Variants in SEM1 observed in about 807,000 individuals in gnomAD.
SEM1 encodes the protein SEM1 26S proteasome subunit, also known as 26S proteasome complex subunit SEM1.
Under a neutral mutation model 12.7 loss-of-function variants are expected in SEM1, and 3 were observed. The ratio of observed to expected loss-of-function variants is 0.24; its 90% CI spans 0.11 to 0.61. The LOEUF (loss-of-function observed/expected upper bound fraction) is 0.61. SEM1 is among the 20% of genes least tolerant of loss of function. The pLI is 0.88. For missense variants in SEM1, 59 were observed against 81.3 expected, an observed-to-expected ratio of 0.73 and a Z score of 1.06; for synonymous variants, 30 against 27.8, an observed-to-expected ratio of 1.08 and a Z score of -0.25.
chr7:96,689,062 T>G, intron 2 of SEM1, 96 bp from the exon 3 acceptor site: 1 of 722,070 alleles, frequency 1.4e-6, no homozygotes, highest in Non-Finnish European at 2.3e-6. Context: ...GAGCTATGCC[T>G]GAGACATCAA....
At chr7:96,586,562 G>C (rs1167804662) in intron 2 of SEM1, among the ~76,000 whole-genome samples, 1 of 152,172 alleles carries the variant, frequency 6.6e-6, no homozygotes, top group Non-Finnish European at 1.5e-5. Context: ...CATAGTTCCA[G>C]ACATCATGTT....
At chr7:96,553,905 C>A (rs1290784597) in intron 2 of SEM1, among the ~76,000 whole-genome samples, 1 of 152,050 alleles carries the variant, frequency 6.6e-6, no homozygotes, top group Non-Finnish European at 1.5e-5. Flanking sequence ...TGAAGAGGTC[C>A]TTCACATCCC....
downstream of SEM1, among the ~76,000 whole-genome samples, chr7:96,684,097 G>T (rs561789808): frequency 6.6e-6 from 1 of 152,162 alleles, no homozygotes; most frequent in East Asian, 1.9e-4. Context: ...CAAGTTCAAT[G>T]ACATCATCAA....
intron 2 of SEM1, among the ~76,000 whole-genome samples, chr7:96,690,757 C>T (rs1287811066): frequency 2.0e-5 from 3 of 152,106 alleles, no homozygotes; most frequent in Non-Finnish European, 4.4e-5. Context: ...TTTGGTAAAT[C>T]AGGAACTATA....
At chr7:96,664,918 G>C (rs991454458) in intron 2 of SEM1, among the ~76,000 whole-genome samples, 2 of 152,232 alleles carry the variant, frequency 1.3e-5, no homozygotes, top group African/African-American at 4.8e-5. Context: ...CACCCACAAA[G>C]TTAAGTAGTG....
downstream of SEM1, among the ~76,000 whole-genome samples, chr7:96,618,944 G>A (rs1056413714): frequency 1.3e-5 from 2 of 151,948 alleles, no homozygotes; most frequent in East Asian, 1.9e-4. Flanking sequence ...GAGAAAGACC[G>A]TGTCTTAAAA....
At chr7:96,614,426 C>G (rs1807639331) in intron 2 of SEM1, among the ~76,000 whole-genome samples, 1 of 152,206 alleles carries the variant, frequency 6.6e-6, no homozygotes, top group Non-Finnish European at 1.5e-5. Flanking sequence ...GAACCAGGTC[C>G]TAAATTAGCT....
At chr7:96,650,928 T>C (rs897686873) in intron 2 of SEM1, among the ~76,000 whole-genome samples, 1 of 152,020 alleles carries the variant, frequency 6.6e-6, no homozygotes, top group Non-Finnish European at 1.5e-5. Flanking sequence ...TACATTTCCA[T>C]CTGACTGTTG....
At chr7:96,530,905 G>A (rs76337529) in intron 2 of SEM1, among the ~76,000 whole-genome samples, 1,879 of 152,094 alleles carry the variant, frequency 0.012, 16 homozygotes, top group Non-Finnish European at 0.017. Flanking sequence ...AAGTTGAGCT[G>A]GGTCTTAAAG....
chr7:96,572,291 C>T (rs959997076), intron 2 of SEM1, among the ~76,000 whole-genome samples: 5 of 152,140 alleles, frequency 3.3e-5, no homozygotes, highest in Non-Finnish European at 5.9e-5. Flanking sequence ...TTCAGTTCTG[C>T]TCTGATCTTA....
At chr7:96,649,628 T>C (rs886865784) in intron 2 of SEM1, 1 of 152,164 alleles carries the variant, frequency 6.6e-6, no homozygotes, top group Non-Finnish European at 1.5e-5. Flanking sequence ...GGAACACATA[T>C]GTGTATGTAG....
At position 96,708,999 on chromosome 7, in the gene SEM1, G is replaced by A. The variant is rs532644854; in HGVS notation, c.76+689C>T. ...TTTAAAAAAATATTTTATTTTTGTA[G>A]GGACAGGGTCTCGCTATGTTGCCCA... On this transcript the variant is annotated intron_variant, in intron 1 of 2. Coordinates refer to ENST00000248566, the MANE Select transcript of SEM1 (RefSeq NM_006304.2). Among the ~76,000 whole-genome samples the A allele has an allele frequency of 3.6e-4, 55 of 152,168 alleles. No individual in the cohort carries two copies. The South Asian group carries it at 0.01, about 28-fold the overall frequency.
intron 2 of SEM1, among the ~76,000 whole-genome samples, chr7:96,575,380 T>C (rs908598009): frequency 1.3e-5 from 2 of 152,062 alleles, no homozygotes; most frequent in African/African-American, 4.8e-5. Context: ...CAGCCAGAGC[T>C]CTCCTCTATG....
intron 1 of SEM1, among the ~76,000 whole-genome samples, chr7:96,492,340 G>T: frequency 6.6e-6 from 1 of 152,062 alleles, no homozygotes; most frequent in South Asian, 2.1e-4. Context: ...TTGTCCTTTT[G>T]TATCTGGCTT....
intron 2 of SEM1, among the ~76,000 whole-genome samples, chr7:96,520,737 G>A (rs1395836991): frequency 3.3e-5 from 5 of 152,094 alleles, no homozygotes; most frequent in African/African-American, 1.2e-4. Flanking sequence ...AAAAGGGTAT[G>A]GTGTCTGTGT....
At chr7:96,563,350 TG>T (rs1247198309) in intron 2 of SEM1, among the ~76,000 whole-genome samples, 9 of 151,694 alleles carry the variant, frequency 5.9e-5, no homozygotes, top group South Asian at 2.1e-4. Context: ...GCTGGAGGTT[TG>T]GGGGAAAAAA....
intron 2 of SEM1, among the ~76,000 whole-genome samples, chr7:96,585,714 G>T (rs1806605308): frequency 6.7e-6 from 1 of 148,702 alleles, no homozygotes; most frequent in Non-Finnish European, 1.5e-5. Context: ...TATTCGGGTG[G>T]GAGTGACCCG....
At chr7:96,490,707 C>T (rs1428663773) in intron 1 of SEM1, among the ~76,000 whole-genome samples, 1 of 152,114 alleles carries the variant, frequency 6.6e-6, no homozygotes, top group Non-Finnish European at 1.5e-5. Flanking sequence ...CCAAGCCAAA[C>T]GTGATCACAT....
At chr7:96,598,036 C>G (rs940950133) in intron 2 of SEM1, among the ~76,000 whole-genome samples, 3 of 152,134 alleles carry the variant, frequency 2.0e-5, no homozygotes, top group Non-Finnish European at 2.9e-5. Context: ...TTCATAGCTG[C>G]ATAATTTCTT....
Sources: allele counts gnomAD v4.1 joint callset (sites outside exome capture counted in the v4.1 genomes callset), GRCh38; gene constraint gnomAD v4.1.1; transcripts MANE v1.5; gene names NCBI Gene and HGNC (gene_info 2026-07-23, HGNC 2026-07-21).